PFKP: variants seen among roughly 807,000 people sequenced by gnomAD.
The protein encoded by PFKP is phosphofructokinase, platelet, also known as ATP-dependent 6-phosphofructokinase, platelet type.
PFKP carries 101 observed loss-of-function variants against 94.3 expected under a neutral mutation model. The ratio of observed to expected loss-of-function variants is 1.07; its 90% CI spans 0.91 to 1.26. The LOEUF is 1.26. Ranked by LOEUF, PFKP falls within the 50% of genes most tolerant of loss-of-function variation. The probability of loss-of-function intolerance (pLI) is 0.00; values close to 1 mark genes in which losing one functional copy is unlikely to be tolerated. For missense variants in PFKP, 1,145 were observed against 1,103.3 expected (o/e 1.04, Z -0.53); for synonymous variants, 573 against 432.6 (o/e 1.32, Z -4.03).
chr10:3,079,790 T>C (rs181058444), intron 1 of PFKP, among the ~76,000 whole-genome samples: 41 of 151,924 alleles, frequency 2.7e-4, no homozygotes, highest in Non-Finnish European at 4.4e-4. Flanking sequence ...AGAGTGACCA[T>C]AGCGTAAGGT....
chr10:3,102,945 C>T (rs1248865782), intron 4 of PFKP, among the ~76,000 whole-genome samples: 18 of 152,332 alleles, frequency 1.2e-4, no homozygotes, highest in African/African-American at 4.3e-4. Context: ...GGGACAGTGG[C>T]CACAAGTCCG....
At chr10:3,116,008 C>A (rs1161171121) in intron 13 of PFKP, among the ~76,000 whole-genome samples, 1 of 152,118 alleles carries the variant, frequency 6.6e-6, no homozygotes, top group Non-Finnish European at 1.5e-5. Flanking sequence ...TTGCTTTCCC[C>A]GTCTTTCTTG....
At chr10:3,118,478 ATT>A (rs2046088110) in intron 14 of PFKP, among the ~76,000 whole-genome samples, 1 of 152,114 alleles carries the variant, frequency 6.6e-6, no homozygotes. Context: ...GAAAAAAAAA[ATT>A]GTTATTAATT....
intron 5 of PFKP, 86 bp from the exon 6 acceptor site, chr10:3,105,029 T>C: frequency 7.9e-7 from 1 of 1,273,792 alleles, no homozygotes; most frequent in Non-Finnish European, 1.1e-6. Flanking sequence ...CTCTGCTTTC[T>C]GAGCTGTTTC....
intron 2 of PFKP, among the ~76,000 whole-genome samples, chr10:3,098,241 T>C (rs530463989): frequency 6.6e-6 from 1 of 152,296 alleles, no homozygotes; most frequent in South Asian, 2.1e-4. Flanking sequence ...TGAACTTTTC[T>C]AAATCCTTAA....
At chr10:3,126,387 C>T (rs775094366) in intron 16 of PFKP, among the ~76,000 whole-genome samples, 1 of 152,214 alleles carries the variant, frequency 6.6e-6, no homozygotes, top group Non-Finnish European at 1.5e-5. Flanking sequence ...CCGCACTTGA[C>T]CCCTGTTGGG....
intron 2 of PFKP, among the ~76,000 whole-genome samples, chr10:3,089,730 T>G (rs939099949): frequency 1.3e-5 from 2 of 150,470 alleles, no homozygotes; most frequent in African/African-American, 2.4e-5. Flanking sequence ...ATACATTATG[T>G]ATAACATTAT....
chr10:3,107,519 C>T (rs189997055), intron 8 of PFKP, among the ~76,000 whole-genome samples: 52 of 152,362 alleles, frequency 3.4e-4, no homozygotes, highest in Non-Finnish European at 5.9e-4. Context: ...CACCTCTTGC[C>T]GAGCCCGTAG....
Position 3,116,865 on chromosome 10 carries a change from C to T in PFKP, c.1442+19C>T. 6.5e-7 allele frequency: 1 copy of T among 1,545,914 alleles called. No individual in the cohort carries two copies. The highest frequency in any genetic ancestry group is 8.9e-7 in the Non-Finnish European group (1 of 1,117,706). ...CAAAACGGTAACTTCCAAATCTCAA[C>T]TCTATGACCTGCTTTTAAGGAAGAA... is the stretch of plus-strand genomic sequence containing the variant. On this transcript the variant is annotated intron_variant, in intron 14 of 21. Transcript: ENST00000381125.
At chr10:3,134,194 C>T (rs968512096) in intron 19 of PFKP, among the ~76,000 whole-genome samples, 3 of 152,350 alleles carry the variant, frequency 2.0e-5, no homozygotes, top group East Asian at 1.9e-4. Flanking sequence ...GACCCATCCC[C>T]AGCTCAGATG....
At chr10:3,089,400 G>C (rs1028072134) in intron 2 of PFKP, among the ~76,000 whole-genome samples, 1 of 152,080 alleles carries the variant, frequency 6.6e-6, no homozygotes, top group African/African-American at 2.4e-5. Flanking sequence ...TGTTGTGATG[G>C]GGAGTGAATG....
At chr10:3,090,454 C>A (rs953128155) in intron 2 of PFKP, among the ~76,000 whole-genome samples, 1 of 152,166 alleles carries the variant, frequency 6.6e-6, no homozygotes, top group Non-Finnish European at 1.5e-5. Flanking sequence ...AGGGATGAGA[C>A]GCGCATGCCT....
chr10:3,102,026 C>A (rs535415171), intron 4 of PFKP, among the ~76,000 whole-genome samples: 1 of 151,664 alleles, frequency 6.6e-6, no homozygotes, highest in Non-Finnish European at 1.5e-5. Context: ...CCGAGGCGGG[C>A]GGATCACGAG....
chr10:3,132,901 T>C (rs1216092615), intron 18 of PFKP, among the ~76,000 whole-genome samples: 1 of 124,834 alleles, frequency 8.0e-6, no homozygotes, highest in Non-Finnish European at 1.7e-5. Context: ...TGATTGACGT[T>C]CTGGGTGGGA....
chr10:3,096,342 C>T (rs1208630666), intron 2 of PFKP, among the ~76,000 whole-genome samples: 1 of 152,136 alleles, frequency 6.6e-6, no homozygotes, highest in East Asian at 1.9e-4. Flanking sequence ...AGCAGGGTGG[C>T]GGCCGGAACT....
At chr10:3,074,975 A>G (rs2131383540) in intron 1 of PFKP, among the ~76,000 whole-genome samples, 1 of 152,346 alleles carries the variant, frequency 6.6e-6, no homozygotes, top group African/African-American at 2.4e-5. Context: ...GTTTATTAAC[A>G]GCAAGCCAGT....
chr10:3,093,638 C>CTT (rs765547765), intron 2 of PFKP, among the ~76,000 whole-genome samples: 15,513 of 93,860 alleles, frequency 0.17, 1,900 homozygotes, highest in South Asian at 0.23. Flanking sequence ...CAAGCATTAT[C>CTT]TTTTTTTTTT....
intron 4 of PFKP, 108 bp from the exon 5 acceptor site, chr10:3,103,671 G>A: frequency 9.5e-7 from 1 of 1,051,612 alleles, no homozygotes; most frequent in Non-Finnish European, 1.4e-6. Context: ...AAAGAGTTTA[G>A]AATGGTTGAT....
chr10:3,118,740 G>A, intron 14 of PFKP, 42 bp from the exon 15 acceptor site: 1 of 1,478,852 alleles, frequency 6.8e-7, no homozygotes, highest in Non-Finnish European at 9.4e-7. Context: ...ACCGCGTGGA[G>A]TTTGGGGTGT....
Sources: allele counts gnomAD v4.1 joint callset (sites outside exome capture counted in the v4.1 genomes callset), GRCh38; gene constraint gnomAD v4.1.1; transcripts MANE v1.5; gene names NCBI Gene and HGNC (gene_info 2026-07-23, HGNC 2026-07-21).